CKAP2L: variants seen among roughly 807,000 people sequenced by gnomAD.
CKAP2L encodes cytoskeleton-associated protein 2-like.
A neutral mutation model predicts 65.7 loss-of-function variants in CKAP2L; 42 were observed. The observed-to-expected ratio is 0.64, with a 90% CI of 0.50 to 0.83. CKAP2L has a LOEUF of 0.83. CKAP2L is among the 40% of genes least tolerant of loss of function. CKAP2L has a pLI of 0.00. For synonymous variants in CKAP2L, 325 were observed against 313.5 expected, an observed-to-expected ratio of 1.04 and a Z score of -0.39; for missense variants, 908 against 871.0, an observed-to-expected ratio of 1.04 and a Z score of -0.53.
rs73955274 is a variant in CKAP2L at position 112,746,101 on chromosome 2, A to G, written c.1758+319T>C. On this transcript the variant is annotated intron_variant, in intron 6 of 8. Coordinates refer to ENST00000302450, the MANE Select transcript of CKAP2L (RefSeq NM_152515.5). Reference sequence around the variant, plus strand: ...TGGAAAAAGGTATCACACAGAATACAGAACATGACATGGAAAATGACATTT... The same window carrying G: ...TGGAAAAAGGTATCACACAGAATACGGAACATGACATGGAAAATGACATTT... Among the ~76,000 whole-genome samples, 4,984 of 152,318 alleles carry G rather than the reference A, an allele frequency of 0.033. 269 individuals are homozygous for G. Among genetic ancestry groups the G allele is most frequent in the African/African-American group, 0.11 (4,740 of 41,540 alleles).
chr2:112,764,511 C>T lies in CKAP2L; in HGVS notation c.37+51G>A, dbSNP rs774235882. The T allele has an allele frequency of 1.1e-5, 18 of 1,604,682 alleles. 1 individual carries two copies. The South Asian group carries it at 1.8e-4, about 16-fold the overall frequency. Reference sequence around the variant, plus strand: ...AACTCACTCGGTGGCCTCCTACTTCCCCGGCCGTGTTCCAACGCCTGAGAA... The same window carrying T: ...AACTCACTCGGTGGCCTCCTACTTCTCCGGCCGTGTTCCAACGCCTGAGAA... On this transcript the variant is annotated intron_variant, in intron 1 of 8. Transcript: ENST00000302450.
Position 112,756,954 on chromosome 2 carries a change from C to T in CKAP2L, c.417G>A (p.Val139=), listed in dbSNP as rs752397359. Residue 139 remains valine, a synonymous_variant, in exon 4 of 9, where the codon GTG becomes GTA. Transcript: ENST00000302450. The part of the protein sequence containing the change: ...STTGELSRKP[V]GSLNIEQLKT... ...TCAATTGCTCTATATTAAGTGACCC[C>T]ACAGGTTTTCTTGACAGTTCTCCTG... 8.7e-6 allele frequency: 14 copies of T among 1,614,208 alleles called. No homozygotes were observed. The highest frequency in any genetic ancestry group is 1.7e-5 in the Admixed American group (1 of 60,028).
chr2:112,738,834 G>T lies in CKAP2L; in HGVS notation c.2227C>A (p.Pro743Thr). The T allele has an allele frequency of 6.2e-7, 1 of 1,600,352 alleles. No individual in the cohort carries two copies. Residue 743 changes from proline to threonine, a missense_variant, in exon 9 of 9, where the codon CCT becomes ACT. Pro to Thr is a conservative substitution (Grantham distance 38, BLOSUM62 -1). Coordinates refer to ENST00000302450, the MANE Select transcript of CKAP2L (RefSeq NM_152515.5). ...AAAGCATCAAGAAATTATGATTCAG[G>T]GGTTTGAAACCCCAATGTTACAGGC... ...ALPVTLGFQT[P>T]ES
At chr2:112,761,289 T>C (rs1558764380) in intron 2 of CKAP2L, among the ~76,000 whole-genome samples, 1 of 151,704 alleles carries the variant, frequency 6.6e-6, no homozygotes, top group Non-Finnish European at 1.5e-5. Context: ...TGAAACCCCA[T>C]CGCTACTAAA....
chr2:112,756,241 T>A lies in CKAP2L; in HGVS notation c.1130A>T (p.Gln377Leu). ...CVLQKSKAISQRPNLTVGRFN... is the reference protein window; with the variant it reads ...CVLQKSKAISLRPNLTVGRFN... ...TCTGCCAACTGTCAAATTAGGCCTC[T>A]GGCTTATGGCTTTTGACTTTTGCAG... Residue 377 changes from glutamine to leucine, a missense_variant, in exon 4 of 9, where the codon CAG (glutamine) becomes CTG (leucine). Coordinates refer to ENST00000302450, the MANE Select transcript of CKAP2L (RefSeq NM_152515.5). 1 of 1,614,216 alleles carries A rather than the reference T, an allele frequency of 6.2e-7. No individual in the cohort carries two copies. Among genetic ancestry groups the A allele is most frequent in the Non-Finnish European group, 8.5e-7 (1 of 1,180,028 alleles).
chr2:112,744,142 T>C (rs1370355836), intron 6 of CKAP2L, among the ~76,000 whole-genome samples: 1 of 152,254 alleles, frequency 6.6e-6, no homozygotes, highest in Non-Finnish European at 1.5e-5. Flanking sequence ...TTTATATTTG[T>C]ATAGCCTTCT....
chr2:112,756,198 T>C lies in CKAP2L; in HGVS notation c.1173A>G (p.Pro391=). The C allele has an allele frequency of 6.2e-7, 1 of 1,614,176 alleles. No individual in the cohort carries two copies. The highest frequency in any genetic ancestry group is 8.5e-7 in the Non-Finnish European group (1 of 1,180,016). ...LTVGRFNSAI[P]STPSIRPNGT... is the part of the protein sequence containing the mutation. ...CATTTGGTCTTATGCTAGGGGTGCT[T>C]GGAATGGCTGAATTAAATCTGCCAA... The change falls in exon 4 of 9, where the codon CCA becomes CCG. Residue 391 remains proline (P), a synonymous_variant. Coordinates refer to ENST00000302450, the MANE Select transcript of CKAP2L (RefSeq NM_152515.5).
chr2:112,764,456 G>A, intron 1 of CKAP2L, 106 bp downstream of exon 1: 1 of 1,270,286 alleles, frequency 7.9e-7, no homozygotes, highest in Non-Finnish European at 1.2e-6. Flanking sequence ...AACTTAGGCA[G>A]GCGAGCGGAC....
rs750628668 is a variant in CKAP2L, at chr2:112,756,481, A to C, written c.890T>G (p.Val297Gly). ...SKVQSSKKPVVKNIKDIKVNR... is the reference protein window; with the variant it reads ...SKVQSSKKPVGKNIKDIKVNR... ...AACCTTTATATCTTTGATGTTCTTGACTACTGGTTTCTTTGATGACTGAAC... is the reference window on the plus strand; with the variant it reads ...AACCTTTATATCTTTGATGTTCTTGCCTACTGGTTTCTTTGATGACTGAAC... The change falls in exon 4 of 9, where the codon GTC becomes GGC. Residue 297 changes from valine (V) to glycine (G), a missense_variant. Val to Gly is a moderately radical substitution (Grantham distance 109). Coordinates refer to ENST00000302450, the MANE Select transcript of CKAP2L (RefSeq NM_152515.5). 6 of 1,609,746 alleles carry C rather than the reference A, an allele frequency of 3.7e-6. No individual in the cohort carries two copies. The highest frequency in any genetic ancestry group is 5.1e-6 in the Non-Finnish European group (6 of 1,178,702).
intron 1 of CKAP2L, among the ~76,000 whole-genome samples, chr2:112,762,960 A>T (rs532281955): frequency 7.2e-4 from 109 of 152,112 alleles, no homozygotes; most frequent in African/African-American, 2.6e-3. Flanking sequence ...TTTTAAAAAA[A>T]TTTTTTGTAG....
At chr2:112,754,015 A>G (rs1464292225) in intron 4 of CKAP2L, among the ~76,000 whole-genome samples, 1 of 152,206 alleles carries the variant, frequency 6.6e-6, no homozygotes, top group Non-Finnish European at 1.5e-5. Flanking sequence ...TTGGCAGTCC[A>G]GTTCCCAGCA....
chr2:112,742,394 T>C lies in CKAP2L; in HGVS notation c.1822+312A>G, dbSNP rs775805935. On this transcript the variant is annotated intron_variant, in intron 7 of 8. Transcript: ENST00000302450. ...TGATTAAACATGTAACTTAAGGCAT[T>C]TCTCCTTTCTGCCTCAGTCTCTTCC... 6 of 717,384 alleles carry C rather than the reference T, an allele frequency of 8.4e-6. No homozygotes were observed. In the South Asian group the frequency reaches 8.9e-5, roughly 11 times the overall value. The allele number at this position is 717,384 out of a possible 1,614,324, so 44.4% of individuals were successfully genotyped here. A position where few individuals can be genotyped will look rare whatever the true frequency, so the allele number is the denominator to read the frequency against.
rs1480392434 is a variant in CKAP2L at position 112,738,324 on chromosome 2, T to A, written c.*499A>T. 1 of 154,208 alleles carries A rather than the reference T, an allele frequency of 6.5e-6. No individual in the cohort carries two copies. Among genetic ancestry groups the A allele is most frequent in the Non-Finnish European group, 1.4e-5 (1 of 69,424 alleles). 9.6% of individuals were successfully genotyped at this position (154,208 alleles called of 1,614,324 possible). A position where few individuals can be genotyped will look rare whatever the true frequency, so the allele number is the denominator to read the frequency against. On this transcript the variant is annotated 3_prime_UTR_variant, in exon 9 of 9. Transcript: ENST00000302450. ...AAAGATCACACATAAATTTATGATC[T>A]CTGAGCAAAGGCACAGCTAGCATAA...
chr2:112,764,509 T>C, intron 1 of CKAP2L, 53 bp downstream of exon 1: 1 of 1,602,976 alleles, frequency 6.2e-7, no homozygotes, highest in Non-Finnish European at 8.5e-7. Flanking sequence ...GCCTCCTACT[T>C]CCCCGGCCGT....
Position 112,756,117 on chromosome 2 carries a change from C to T in CKAP2L, c.1254G>A (p.Leu418=). The T allele has an allele frequency of 6.2e-7, 1 of 1,614,142 alleles. No individual in the cohort carries two copies. The highest frequency in any genetic ancestry group is 8.5e-7 in the Non-Finnish European group (1 of 1,180,022). ...NNGFQQKAQT[L]DSKLKKAVPQ... ...GAACAGCCTTTTTCAACTTGGAGTC[C>T]AAAGTCTGTGCTTTTTGCTGAAAGC... The change falls in exon 4 of 9, where the codon TTG becomes TTA. Residue 418 remains leucine (L), a synonymous_variant. Transcript: ENST00000302450.
At position 112,762,676 on chromosome 2, in the gene CKAP2L, A is replaced by G. The variant is rs777395183; in HGVS notation, c.38-107T>C. On this transcript the variant is annotated intron_variant, in intron 1 of 8. Coordinates refer to ENST00000302450, the MANE Select transcript of CKAP2L (RefSeq NM_152515.5). ...TTTTCTCTAGTGATTTTGCCTTTGC[A>G]ACATAATGTTATAAAATCCCTAGTC... 6 of 864,070 alleles carry G rather than the reference A, an allele frequency of 6.9e-6. No individual in the cohort carries two copies. The South Asian group carries it at 7.2e-5, about 10-fold the overall frequency. The allele number at this position is 864,070 out of a possible 1,614,324, so 53.5% of individuals were successfully genotyped here. A position where few individuals can be genotyped will look rare whatever the true frequency, so the allele number is the denominator to read the frequency against.
chr2:112,756,893 C>T lies in CKAP2L; in HGVS notation c.478G>A (p.Gly160Ser), dbSNP rs892782686. ...TTATTCATAAAGTCTATACATTTAC[C>T]ATTTCCTTGATCTGTTAACTGCTGC... is the stretch of plus-strand genomic sequence containing the variant. ...TKQQLTDQGN[G>S]KCIDFMNNIH... Residue 160 changes from glycine to serine, a missense_variant, in exon 4 of 9, where the codon GGT becomes AGT. Coordinates refer to ENST00000302450, the MANE Select transcript of CKAP2L (RefSeq NM_152515.5). 1 of 1,613,510 alleles carries T rather than the reference C, an allele frequency of 6.2e-7. No individual in the cohort carries two copies. The highest frequency in any genetic ancestry group is 8.5e-7 in the Non-Finnish European group (1 of 1,179,786).
intron 6 of CKAP2L, 54 bp downstream of exon 6, chr2:112,746,366 G>C: frequency 6.9e-7 from 1 of 1,450,712 alleles, no homozygotes; most frequent in Non-Finnish European, 9.5e-7. Context: ...CAACAACAGA[G>C]AACTCACATG....
intron 2 of CKAP2L, among the ~76,000 whole-genome samples, chr2:112,761,682 G>A (rs1015445072): frequency 6.6e-6 from 1 of 152,100 alleles, no homozygotes; most frequent in African/African-American, 2.4e-5. Flanking sequence ...AGACTAACAA[G>A]GACTTTGATT....
Sources: gnomAD v4.1 joint callset for allele counts (sites outside exome capture counted in the v4.1 genomes callset) on GRCh38, gnomAD v4.1.1 for gene constraint, MANE v1.5 for transcripts, NCBI Gene and HGNC (gene_info 2026-07-23, HGNC 2026-07-21) for gene names.